The following LCP2 variants were observed in gnomAD, a reference collection of about 807,000 sequenced individuals.
The protein encoded by LCP2 is lymphocyte cytosolic protein 2.
In LCP2, 29 loss-of-function variants were observed where a neutral mutation model predicts 74.5. The observed-to-expected ratio is 0.39, with a 90% CI of 0.29 to 0.53. The LOEUF (loss-of-function observed/expected upper bound fraction) is 0.53. LCP2 is among the 20% of genes least tolerant of loss of function. The pLI is 0.72. For missense variants in LCP2, 604 were observed against 634.6 expected (o/e 0.95, Z 0.52); for synonymous variants, 228 against 229.5 (o/e 0.99, Z 0.06).
intron 2 of LCP2, among the ~76,000 whole-genome samples, chr5:170,289,674 TC>T (rs1196095033): frequency 4.6e-5 from 6 of 131,350 alleles, no homozygotes; most frequent in African/African-American, 1.4e-4. Context: ...TCTTTCTTTC[TC>T]TCTCTCTCTC....
At chr5:170,289,617 T>TTCTG (rs1350461834) in intron 2 of LCP2, among the ~76,000 whole-genome samples, 1 of 122,136 alleles carries the variant, frequency 8.2e-6, no homozygotes, top group African/African-American at 3.2e-5. Context: ...CTTTCTTTCT[T>TTCTG]TTTCTTTCTT....
At position 170,266,177 on chromosome 5, in the gene LCP2, A is replaced by C. The variant is rs568402551; in HGVS notation, c.772+631T>G. Among the ~76,000 whole-genome samples, 31 of 152,358 alleles carry C rather than the reference A, an allele frequency of 2.0e-4. No homozygotes were observed. The South Asian group carries it at 5.8e-3, about 28-fold the overall frequency. On this transcript the variant is annotated intron_variant, in intron 10 of 20. Transcript: ENST00000046794. ...TTGAATTGAAAATAGCTGCACGTGAAGGTAACTGCAATCCAAGAATATTCT... is the reference window on the plus strand; with the variant it reads ...TTGAATTGAAAATAGCTGCACGTGACGGTAACTGCAATCCAAGAATATTCT...
intron 7 of LCP2, among the ~76,000 whole-genome samples, chr5:170,269,960 T>A (rs1005956582): frequency 6.6e-6 from 1 of 152,242 alleles, no homozygotes; most frequent in African/African-American, 2.4e-5. Context: ...AAAATGGAAA[T>A]GGGTTATACC....
chr5:170,293,253 A>G (rs1232329279), intron 2 of LCP2, 57 bp downstream of exon 2: 1 of 1,537,418 alleles, frequency 6.5e-7, no homozygotes, highest in Non-Finnish European at 8.9e-7. Context: ...CCCTGCAGCC[A>G]TGGGGAAAAG....
At chr5:170,292,448 A>T (rs1477611967) in intron 2 of LCP2, among the ~76,000 whole-genome samples, 1 of 152,168 alleles carries the variant, frequency 6.6e-6, no homozygotes, top group Non-Finnish European at 1.5e-5. Flanking sequence ...CTCTGGGGGC[A>T]AGCTGGAGCT....
intron 3 of LCP2, among the ~76,000 whole-genome samples, chr5:170,283,888 G>A (rs1762142631): frequency 6.6e-6 from 1 of 152,166 alleles, no homozygotes; most frequent in Admixed American, 6.5e-5. Context: ...TGTCTGCCCT[G>A]AATACTGTGG....
chr5:170,297,222 A>G (rs1349758996), intron 1 of LCP2, among the ~76,000 whole-genome samples: 1 of 152,142 alleles, frequency 6.6e-6, no homozygotes, highest in Admixed American at 6.5e-5. Context: ...AGTCAAGGGG[A>G]TAACAATGCT....
intron 3 of LCP2, among the ~76,000 whole-genome samples, chr5:170,286,466 C>T (rs1225227876): frequency 6.6e-6 from 1 of 152,236 alleles, no homozygotes; most frequent in East Asian, 1.9e-4. Context: ...TGGTTTATCT[C>T]TACAACATCA....
chr5:170,278,212 A>G (rs1305796143), intron 3 of LCP2, among the ~76,000 whole-genome samples: 1 of 149,018 alleles, frequency 6.7e-6, no homozygotes, highest in African/African-American at 2.5e-5. Flanking sequence ...GGAACTTAGA[A>G]GTGCTCAAGG....
chr5:170,269,178 G>A (rs1761844124), intron 7 of LCP2, among the ~76,000 whole-genome samples: 1 of 152,168 alleles, frequency 6.6e-6, no homozygotes, highest in African/African-American at 2.4e-5. Flanking sequence ...GATTTGCCTC[G>A]AGCAGAAACT....
chr5:170,247,660 C>T lies in LCP2; in HGVS notation c.*1037G>A, dbSNP rs1761328595. 1 of 152,134 alleles carries T rather than the reference C, an allele frequency of 6.6e-6. No individual in the cohort carries two copies. Among genetic ancestry groups the T allele is most frequent in the South Asian group, 2.1e-4 (1 of 4,828 alleles). 9.4% of individuals were successfully genotyped at this position (152,134 alleles called of 1,614,324 possible). On this transcript the variant is annotated 3_prime_UTR_variant, in exon 21 of 21. Transcript: ENST00000046794. ...ACTGGAGGAAAGAGTTTAATTACCT[C>T]AAAGCACTTATACAGCCTGTTTGGG...
chr5:170,261,065 T>C, intron 14 of LCP2, 42 bp downstream of exon 14: 1 of 1,496,656 alleles, frequency 6.7e-7, no homozygotes, highest in Non-Finnish European at 9.3e-7. Context: ...TATGCTTCTT[T>C]TCCCTGTATC....
In LCP2 at chr5:170,262,836, T is replaced by C. The variant is rs1761682627; in HGVS notation, c.818+6A>G. Reference sequence around the variant, plus strand: ...ATGTACCCTCATGTAGATGCAACAGTCTTACCTTCCCGCTGGAATCGAGGG... The same window carrying C: ...ATGTACCCTCATGTAGATGCAACAGCCTTACCTTCCCGCTGGAATCGAGGG... On this transcript the variant is annotated splice_donor_region_variant and intron_variant, in intron 12 of 20. Transcript: ENST00000046794. The C allele has an allele frequency of 6.2e-7, 1 of 1,613,980 alleles. No individual in the cohort carries two copies. Among genetic ancestry groups the C allele is most frequent in the Non-Finnish European group, 8.5e-7 (1 of 1,179,884 alleles).
Position 170,275,307 on chromosome 5 carries a change from C to A in LCP2, c.286+13G>T, listed in dbSNP as rs1561973591. On this transcript the variant is annotated intron_variant, in intron 5 of 20. Coordinates refer to ENST00000046794, the MANE Select transcript of LCP2 (RefSeq NM_005565.5). The stretch of plus-strand genomic sequence containing the variant: ...CTCCTAAAGCAATCACCTCTGAGCC[C>A]TGAGAGCTTTACCTGTCTCTTCAGG... 1.2e-6 allele frequency: 2 copies of A among 1,613,980 alleles called. No individual in the cohort carries two copies. Among genetic ancestry groups the A allele is most frequent in the African/African-American group, 1.3e-5 (1 of 75,042 alleles).
rs771925036 is a variant in LCP2 at position 170,248,689 on chromosome 5, A to G, written c.*8T>C. On this transcript the variant is annotated 3_prime_UTR_variant, in exon 21 of 21. Coordinates refer to ENST00000046794, the MANE Select transcript of LCP2 (RefSeq NM_005565.5). ...AGGAGGACGGTTCATTTGCTCGGCT[A>G]TAACTTGCTATGGGTACCCTGCAGC... 9.9e-6 allele frequency: 16 copies of G among 1,611,624 alleles called. No individual in the cohort carries two copies. The East Asian group carries it at 1.6e-4, about 16-fold the overall frequency.
At chr5:170,280,675 TG>T (rs754177042) in intron 3 of LCP2, among the ~76,000 whole-genome samples, 5 of 152,194 alleles carry the variant, frequency 3.3e-5, no homozygotes, top group Non-Finnish European at 7.3e-5. Context: ...ATCATTTTCC[TG>T]GTAGACAAGT....
At chr5:170,272,495 C>T (rs892053199) in intron 6 of LCP2, among the ~76,000 whole-genome samples, 1 of 150,388 alleles carries the variant, frequency 6.6e-6, no homozygotes, top group African/African-American at 2.4e-5. Context: ...TTAAGCCCAA[C>T]CAATCAGAAG....
intron 13 of LCP2, among the ~76,000 whole-genome samples, chr5:170,262,126 G>A (rs899394729): frequency 6.6e-6 from 1 of 152,038 alleles, no homozygotes; most frequent in Non-Finnish European, 1.5e-5. Context: ...GTACATGCGC[G>A]CCATTTGGTA....
intron 10 of LCP2, 80 bp downstream of exon 10, chr5:170,266,728 G>T: frequency 8.6e-7 from 1 of 1,160,680 alleles, no homozygotes. Context: ...TAAATGAGAT[G>T]GTACATGTGA....
Sources: gnomAD v4.1 joint callset for allele counts (sites outside exome capture counted in the v4.1 genomes callset) on GRCh38, gnomAD v4.1.1 for gene constraint, MANE v1.5 for transcripts, NCBI Gene and HGNC (gene_info 2026-07-23, HGNC 2026-07-21) for gene names.